Variants in LDLRAD4 observed in about 807,000 individuals in gnomAD.
The protein encoded by LDLRAD4 is low density lipoprotein receptor class A domain containing 4, also known as low-density lipoprotein receptor class A domain-containing protein 4.
A neutral mutation model predicts 17.0 loss-of-function variants in LDLRAD4; 5 were observed. That is an observed-to-expected ratio of 0.29 (90% CI 0.15 to 0.62). LDLRAD4 has a LOEUF of 0.62. Ranked by LOEUF, LDLRAD4 falls within the 20% of genes least tolerant of loss-of-function variation. The pLI is 0.84. For missense variants in LDLRAD4, 340 were observed against 424.7 expected, an observed-to-expected ratio of 0.80 and a Z score of 1.75; for synonymous variants, 168 against 171.8, an observed-to-expected ratio of 0.98 and a Z score of 0.17.
chr18:13,262,789 T>C (rs71353259), intron 1 of LDLRAD4, among the ~76,000 whole-genome samples: 568 of 29,260 alleles, frequency 0.019, 15 homozygotes, highest in Admixed American at 0.032. Context: ...CCCGTGCGGC[T>C]CTGTGCGTGG....
intron 3 of LDLRAD4, among the ~76,000 whole-genome samples, chr18:13,595,785 A>G (rs970228549): frequency 1.1e-4 from 16 of 152,232 alleles, no homozygotes; most frequent in Middle Eastern, 3.4e-3. Flanking sequence ...GGTGATTTCA[A>G]TTATTTTGTT....
intron 1 of LDLRAD4, among the ~76,000 whole-genome samples, chr18:13,374,173 C>G (rs891544464): frequency 2.6e-5 from 4 of 152,226 alleles, no homozygotes; most frequent in African/African-American, 9.6e-5. Context: ...TAGGTCGTCT[C>G]TTGGGATAGC....
chr18:13,262,090 G>A (rs1024772461), intron 1 of LDLRAD4, among the ~76,000 whole-genome samples: 3 of 114,020 alleles, frequency 2.6e-5, no homozygotes, highest in South Asian at 2.9e-4. Context: ...AGTCCCGTGT[G>A]GCTCTGTGTG....
At chr18:13,455,429 A>G (rs184906179) in intron 3 of LDLRAD4, among the ~76,000 whole-genome samples, 15 of 152,298 alleles carry the variant, frequency 9.8e-5, no homozygotes, top group African/African-American at 2.9e-4. Context: ...TGTGACATCT[A>G]TGAGGCCCGT....
At position 13,586,911 on chromosome 18, in the gene LDLRAD4, T is replaced by C. The variant is rs78757538; in HGVS notation, c.182-34206T>C. On this transcript the variant is annotated intron_variant, in intron 3 of 5. Transcript: ENST00000359446. ...AAAATAGGGGGGATCAGTATGTGTA[T>C]GCACCCCTGTAACATCACACTGTAT... Among the ~76,000 whole-genome samples, 653 of 151,136 alleles carry C rather than the reference T, an allele frequency of 4.3e-3. 7 individuals carry two copies. Among genetic ancestry groups the C allele is most frequent in the African/African-American group, 0.015 (625 of 41,172 alleles).
chr18:13,417,320 A>G (rs907819245), intron 2 of LDLRAD4, among the ~76,000 whole-genome samples: 2 of 152,198 alleles, frequency 1.3e-5, no homozygotes, highest in African/African-American at 4.8e-5. Context: ...ACAAAAATTC[A>G]ATGCGAAAGT....
At chr18:13,632,312 C>A (rs1393680600) in intron 4 of LDLRAD4, among the ~76,000 whole-genome samples, 1 of 152,356 alleles carries the variant, frequency 6.6e-6, no homozygotes, top group South Asian at 2.1e-4. Flanking sequence ...CCACACCTGC[C>A]AAGGGCAAGC....
chr18:13,586,752 G>A (rs561958257), intron 3 of LDLRAD4, among the ~76,000 whole-genome samples: 1 of 152,090 alleles, frequency 6.6e-6, no homozygotes, highest in South Asian at 2.1e-4. Context: ...GCCAGGCATG[G>A]TGGCGCACAC....
At chr18:13,397,288 C>T (rs1311326641) in intron 2 of LDLRAD4, among the ~76,000 whole-genome samples, 1 of 152,146 alleles carries the variant, frequency 6.6e-6, no homozygotes, top group African/African-American at 2.4e-5. Flanking sequence ...GGACTACAGG[C>T]ACCCGCCACC....
intron 1 of LDLRAD4, among the ~76,000 whole-genome samples, chr18:13,226,338 A>G (rs1266487470): frequency 6.6e-6 from 1 of 151,792 alleles, no homozygotes; most frequent in East Asian, 1.9e-4. Flanking sequence ...TTTTTAAAAC[A>G]TTGTTTGGGT....
chr18:13,596,846 G>C (rs2095102127), intron 3 of LDLRAD4, among the ~76,000 whole-genome samples: 1 of 152,114 alleles, frequency 6.6e-6, no homozygotes, highest in African/African-American at 2.4e-5. Context: ...CCTCCTCTGT[G>C]TTGTCATCAT....
exon 6 of LDLRAD4, chr18:13,646,830 G>A (rs1471794511): frequency 6.6e-6 from 1 of 152,536 alleles, no homozygotes; most frequent in African/African-American, 2.4e-5. Flanking sequence ...GTTCTGCAGG[G>A]CTGCTCAGTT....
intron 4 of LDLRAD4, among the ~76,000 whole-genome samples, chr18:13,624,697 C>G (rs1442346047): frequency 6.6e-6 from 1 of 152,206 alleles, no homozygotes; most frequent in Non-Finnish European, 1.5e-5. Flanking sequence ...CCCGCCTTCC[C>G]CATCCCTAGG....
intron 3 of LDLRAD4, among the ~76,000 whole-genome samples, chr18:13,555,029 G>A (rs2148127928): frequency 6.6e-6 from 1 of 152,282 alleles, no homozygotes; most frequent in African/African-American, 2.4e-5. Flanking sequence ...CTAATCATGA[G>A]CGAAAACAGC....
intron 2 of LDLRAD4, among the ~76,000 whole-genome samples, chr18:13,392,333 T>TA (rs2086339007): frequency 6.6e-6 from 1 of 152,270 alleles, no homozygotes; most frequent in African/African-American, 2.4e-5. Context: ...ACCTTCATGT[T>TA]ACACTTGAGC....
At chr18:13,377,320 G>A (rs2084993353) in intron 1 of LDLRAD4, among the ~76,000 whole-genome samples, 1 of 152,290 alleles carries the variant, frequency 6.6e-6, no homozygotes, top group South Asian at 2.1e-4. Context: ...AACTGACTAG[G>A]CTGCGTCACG....
intron 1 of LDLRAD4, among the ~76,000 whole-genome samples, chr18:13,383,248 C>T (rs995416018): frequency 2.0e-5 from 3 of 152,218 alleles, no homozygotes; most frequent in East Asian, 1.9e-4. Flanking sequence ...TCAGGAAATA[C>T]GTATTTACTG....
chr18:13,415,823 C>G (rs991397588), intron 2 of LDLRAD4, among the ~76,000 whole-genome samples: 6 of 152,228 alleles, frequency 3.9e-5, no homozygotes, highest in Admixed American at 2.0e-4. Flanking sequence ...GGGTGGGGAG[C>G]CTGGGCTGCC....
chr18:13,242,874 C>T (rs867964764), intron 1 of LDLRAD4, among the ~76,000 whole-genome samples: 7 of 152,236 alleles, frequency 4.6e-5, no homozygotes, highest in Non-Finnish European at 7.3e-5. Context: ...CCCAGCTGTT[C>T]GACTTGGGTT....
Sources: allele counts gnomAD v4.1 joint callset (sites outside exome capture counted in the v4.1 genomes callset), GRCh38; gene constraint gnomAD v4.1.1; transcripts MANE v1.5; gene names NCBI Gene and HGNC (gene_info 2026-07-23, HGNC 2026-07-21).